SIAE: variants seen among roughly 807,000 people sequenced by gnomAD.
SIAE encodes sialic acid acetylesterase.
In SIAE, 39 loss-of-function variants were observed where a neutral mutation model predicts 52.6. The observed-to-expected ratio is 0.74, with a 90% CI of 0.57 to 0.97. The LOEUF is 0.97. SIAE is among the 50% of genes least tolerant of loss of function. The probability of loss-of-function intolerance (pLI) is 0.00; values close to 1 mark genes in which losing one functional copy is unlikely to be tolerated. For synonymous variants in SIAE, 233 were observed against 241.4 expected (o/e 0.97, Z 0.32); for missense variants, 592 against 662.1 (o/e 0.89, Z 1.16).
At chr11:124,652,904 G>A (rs890640498) in intron 4 of SIAE, among the ~76,000 whole-genome samples, 2 of 118,862 alleles carry the variant, frequency 1.7e-5, no homozygotes, top group Admixed American at 7.5e-5. Context: ...TCATTAGCAC[G>A]TCACCCATTA....
chr11:124,647,971 A>C, intron 6 of SIAE, 95 bp downstream of exon 6: 2 of 973,772 alleles, frequency 2.1e-6, no homozygotes, highest in Non-Finnish European at 3.3e-6. Flanking sequence ...AAAATTATAA[A>C]GTTATTGTTG....
intron 7 of SIAE, among the ~76,000 whole-genome samples, chr11:124,646,524 G>C (rs907756425): frequency 7.2e-5 from 11 of 152,038 alleles, no homozygotes; most frequent in African/African-American, 2.2e-4. Context: ...GCAATGGCCA[G>C]GGAGTGAGAG....
At position 124,633,482 on chromosome 11, in the gene SIAE, A is replaced by G. The variant is rs756373265; in HGVS notation, c.*3469T>C. On this transcript the variant is annotated 3_prime_UTR_variant, in exon 10 of 10. Transcript: ENST00000263593. The stretch of plus-strand genomic sequence containing the variant: ...TGGAGTGGTGAGAATTGAATGGTTA[A>G]TGCACTGCCATTCATAATTGCCAAT... 6.6e-6 allele frequency: 1 copy of G among 152,250 alleles called. No homozygotes were observed. Among genetic ancestry groups the G allele is most frequent in the African/African-American group, 2.4e-5 (1 of 41,454 alleles). 9.4% of individuals were successfully genotyped at this position (152,250 alleles called of 1,614,324 possible).
intron 5 of SIAE, 79 bp downstream of exon 5, chr11:124,649,540 T>A: frequency 6.8e-7 from 1 of 1,480,826 alleles, no homozygotes; most frequent in Middle Eastern, 2.4e-4. Flanking sequence ...TATACTTAAC[T>A]CCCCACAGAG....
chr11:124,649,680 T>C lies in SIAE; in HGVS notation c.661A>G (p.Thr221Ala), dbSNP rs913948886. Residue 221 changes from threonine (T) to alanine (A), a missense_variant, in exon 5 of 10, where the codon ACA (threonine) becomes GCA (alanine). Physicochemically the swap from Thr to Ala is moderately conservative, Grantham distance 58. Coordinates refer to ENST00000263593, the MANE Select transcript of SIAE (RefSeq NM_170601.5). ...IGLIASSWGG[T>A]PIEAWSSGRS... ...CCAGATGACCAGGCTTCAATGGGTG[T>C]CCCGCCCCAGCTGGAGGCGATCAGC... The C allele has an allele frequency of 6.2e-7, 1 of 1,614,130 alleles. No individual in the cohort carries two copies.
rs868099280 is a variant in SIAE at position 124,636,674 on chromosome 11, A to G, written c.*277T>C. ...TATTAGACATTTCACTCCCATTAAT[A>G]TGAGGGAAGTAAATGACATTGAGGT... On this transcript the variant is annotated 3_prime_UTR_variant, in exon 10 of 10. Coordinates refer to ENST00000263593, the MANE Select transcript of SIAE (RefSeq NM_170601.5). 2.1e-6 allele frequency: 1 copy of G among 474,622 alleles called. No homozygotes were observed. Among genetic ancestry groups the G allele is most frequent in the Non-Finnish European group, 3.8e-6 (1 of 260,294 alleles). 29.4% of individuals were successfully genotyped at this position (474,622 alleles called of 1,614,324 possible).
chr11:124,649,503 A>T, intron 5 of SIAE, 116 bp downstream of exon 5: 3 of 1,114,444 alleles, frequency 2.7e-6, no homozygotes, highest in Non-Finnish European at 4.1e-6. Context: ...AATTACATAC[A>T]TTCAACACAT....
Position 124,636,584 on chromosome 11 carries a change from A to T in SIAE, c.*367T>A. 3.1e-6 allele frequency: 1 copy of T among 323,646 alleles called. No homozygotes were observed. The highest frequency in any genetic ancestry group is 2.2e-5 in the African/African-American group (1 of 46,432). The allele number at this position is 323,646 out of a possible 1,614,324, so 20.0% of individuals were successfully genotyped here. On this transcript the variant is annotated 3_prime_UTR_variant, in exon 10 of 10. Coordinates refer to ENST00000263593, the MANE Select transcript of SIAE (RefSeq NM_170601.5). ...AGAACACATGAACACTAGCTGGCCT[A>T]TGTGGCCTTTAAAATCTCTTCCAAT...
chr11:124,635,735 C>CTT lies in SIAE; in HGVS notation c.*1214_*1215dup, dbSNP rs1942717542. The CTT allele has an allele frequency of 6.6e-6, 1 of 152,274 alleles. No homozygotes were observed. The highest frequency in any genetic ancestry group is 2.4e-5 in the African/African-American group (1 of 41,548). The allele number at this position is 152,274 out of a possible 1,614,324, so 9.4% of individuals were successfully genotyped here. ...AGGAAAGCTACCCATAGATAGTATT[C>CTT]TTACTCCTTTTCACATGCTTCAAGG... On this transcript the variant is annotated 3_prime_UTR_variant, in exon 10 of 10. Coordinates refer to ENST00000263593, the MANE Select transcript of SIAE (RefSeq NM_170601.5).
At chr11:124,666,220 G>A (rs1943271953) in intron 2 of SIAE, among the ~76,000 whole-genome samples, 1 of 152,120 alleles carries the variant, frequency 6.6e-6, no homozygotes, top group Admixed American at 6.5e-5. Flanking sequence ...TGGGTACCTA[G>A]GGGACTATGG....
intron 9 of SIAE, 119 bp from the exon 10 acceptor site, chr11:124,637,321 A>G (rs1000334970): frequency 2.8e-6 from 4 of 1,413,306 alleles, no homozygotes; most frequent in Non-Finnish European, 4.0e-6. Flanking sequence ...CCAAGGACCT[A>G]CTCCTACAGT....
At chr11:124,640,736 C>G (rs944212841) in intron 7 of SIAE, among the ~76,000 whole-genome samples, 2 of 152,188 alleles carry the variant, frequency 1.3e-5, no homozygotes, top group African/African-American at 4.8e-5. Context: ...ACCCTTGATT[C>G]TAAGCTCAGC....
upstream of SIAE, chr11:124,675,792 T>C: frequency 6.1e-6 from 1 of 165,084 alleles, no homozygotes; most frequent in Non-Finnish European, 1.3e-5. Context: ...AGCTGACTGT[T>C]ATTCCTGAGA....
In SIAE at chr11:124,634,315, A is replaced by G. The variant is rs912548605; in HGVS notation, c.*2636T>C. On this transcript the variant is annotated 3_prime_UTR_variant, in exon 10 of 10. Coordinates refer to ENST00000263593, the MANE Select transcript of SIAE (RefSeq NM_170601.5). Reference sequence around the variant, plus strand: ...GCGCCACTGCACTCCAGCCTGGGCAACAGAGCAAAACTCCAACTCAAAAAC... The same window carrying G: ...GCGCCACTGCACTCCAGCCTGGGCAGCAGAGCAAAACTCCAACTCAAAAAC... 1.3e-5 allele frequency: 2 copies of G among 152,386 alleles called. No individual in the cohort carries two copies. The highest frequency in any genetic ancestry group is 3.9e-4 in the East Asian group (2 of 5,190). 9.4% of individuals were successfully genotyped at this position (152,386 alleles called of 1,614,324 possible). A position where few individuals can be genotyped will look rare whatever the true frequency, so the allele number is the denominator to read the frequency against.
chr11:124,663,214 C>T (rs1943216939), intron 2 of SIAE, among the ~76,000 whole-genome samples: 1 of 152,004 alleles, frequency 6.6e-6, no homozygotes, highest in Non-Finnish European at 1.5e-5. Context: ...CCAGGCAAGG[C>T]AGGGAAAACT....
At chr11:124,667,570 G>C (rs1943290451) in intron 2 of SIAE, among the ~76,000 whole-genome samples, 1 of 152,138 alleles carries the variant, frequency 6.6e-6, no homozygotes, top group Non-Finnish European at 1.5e-5. Context: ...GACAATCCTT[G>C]CTTTCGGGGG....
chr11:124,653,147 C>G (rs993058670), intron 4 of SIAE, among the ~76,000 whole-genome samples: 3 of 152,184 alleles, frequency 2.0e-5, no homozygotes, highest in Admixed American at 6.5e-5. Flanking sequence ...TGGATAGCAT[C>G]AGATACTTTG....
chr11:124,633,269 T>C lies in SIAE; in HGVS notation c.*3682A>G, dbSNP rs1942651699. The C allele has an allele frequency of 6.6e-6, 1 of 152,242 alleles. No individual in the cohort carries two copies. The highest frequency in any genetic ancestry group is 2.4e-5 in the African/African-American group (1 of 41,458). The allele number at this position is 152,242 out of a possible 1,614,324, so 9.4% of individuals were successfully genotyped here. On this transcript the variant is annotated 3_prime_UTR_variant, in exon 10 of 10. Coordinates refer to ENST00000263593, the MANE Select transcript of SIAE (RefSeq NM_170601.5). The stretch of plus-strand genomic sequence containing the variant: ...TAGTCCTGTCTTTTCATTAGCCATG[T>C]AATAATATAACTCCATGTTCCATGC...
At chr11:124,662,727 C>T (rs966871508) in intron 2 of SIAE, among the ~76,000 whole-genome samples, 4 of 152,202 alleles carry the variant, frequency 2.6e-5, no homozygotes, top group Admixed American at 1.3e-4. Context: ...GAGCCTTGTT[C>T]CCAAGAACTG....
Sources: allele counts gnomAD v4.1 joint callset (sites outside exome capture counted in the v4.1 genomes callset), GRCh38; gene constraint gnomAD v4.1.1; transcripts MANE v1.5; gene names NCBI Gene and HGNC (gene_info 2026-07-23, HGNC 2026-07-21).